Variants in MYOF observed in about 807,000 individuals in gnomAD.
The protein encoded by MYOF is fer-1-like 3, myoferlin.
A neutral mutation model predicts 284.2 loss-of-function variants in MYOF; 244 were observed. That is an observed-to-expected ratio of 0.86 (90% CI 0.77 to 0.95). MYOF has a LOEUF of 0.95. Ranked by LOEUF, MYOF falls within the 40% of genes least tolerant of loss-of-function variation. The probability of loss-of-function intolerance (pLI) is 0.00; values close to 1 mark genes in which losing one functional copy is unlikely to be tolerated. For missense variants in MYOF, 2,496 were observed against 2,560.6 expected (o/e 0.97, Z 0.54); for synonymous variants, 904 against 919.7 (o/e 0.98, Z 0.31).
intron 5 of MYOF, among the ~76,000 whole-genome samples, chr10:93,424,155 CGGTAGTTTAGGA>C (rs1848480446): frequency 6.6e-6 from 1 of 152,110 alleles, no homozygotes; most frequent in African/African-American, 2.4e-5. Flanking sequence ...ACCCAGTTTG[CGGTAGTTTAGGA>C]CAGCAGACCT....
At chr10:93,420,372 A>C (rs1000466452) in intron 5 of MYOF, among the ~76,000 whole-genome samples, 9 of 152,154 alleles carry the variant, frequency 5.9e-5, no homozygotes, top group African/African-American at 2.2e-4. Context: ...AAGCCTGGAG[A>C]CTGGGTCAGC....
At position 93,351,481 on chromosome 10, in the gene MYOF, G is replaced by A; in HGVS notation, c.3754C>T (p.Pro1252Ser). Residue 1252 changes from proline to serine, a missense_variant, in exon 34 of 54, where the codon CCA becomes TCA. Pro to Ser is a moderately conservative substitution (Grantham distance 74, BLOSUM62 -1). Coordinates refer to ENST00000359263, the MANE Select transcript of MYOF (RefSeq NM_013451.4). ...MDITPKLLWHPVMNGDKACGD... is the reference protein window; with the variant it reads ...MDITPKLLWHSVMNGDKACGD... ...CAGGCTTTGTCTCCATTCATTACTG[G>A]GTGCCAGAGAAGTTTGGGTGTGATG... 6.2e-7 allele frequency: 1 copy of A among 1,614,196 alleles called. No individual in the cohort carries two copies. Among genetic ancestry groups the A allele is most frequent in the Non-Finnish European group, 8.5e-7 (1 of 1,180,036 alleles).
chr10:93,310,222 A>T (rs903610777), intron 52 of MYOF, 55 bp from the exon 53 acceptor site: 4 of 1,578,240 alleles, frequency 2.5e-6, no homozygotes, highest in African/African-American at 2.7e-5. Context: ...TGCATATTTT[A>T]TTCCAGAGCA....
chr10:93,350,527 G>C (rs1185607340), intron 35 of MYOF, among the ~76,000 whole-genome samples: 2 of 152,072 alleles, frequency 1.3e-5, no homozygotes, highest in African/African-American at 4.8e-5. Flanking sequence ...TGACCGGGTT[G>C]GCCTCGAACT....
At chr10:93,386,909 G>A (rs991476389) in intron 19 of MYOF, among the ~76,000 whole-genome samples, 3 of 152,148 alleles carry the variant, frequency 2.0e-5, no homozygotes, top group East Asian at 1.9e-4. Flanking sequence ...AGATGAAAAC[G>A]TGTTCTGGGT....
At chr10:93,429,551 T>G (rs1304412426) in intron 4 of MYOF, among the ~76,000 whole-genome samples, 1 of 152,196 alleles carries the variant, frequency 6.6e-6, no homozygotes, top group Non-Finnish European at 1.5e-5. Context: ...TCAGCTAGGT[T>G]TTGGGTAAAC....
At chr10:93,336,923 AAAGG>A (rs1185951066) in intron 40 of MYOF, among the ~76,000 whole-genome samples, 43 of 150,112 alleles carry the variant, frequency 2.9e-4, no homozygotes, top group South Asian at 1.5e-3. Flanking sequence ...GAAGGGAAGG[AAAGG>A]AAGGAAGGAA....
intron 31 of MYOF, 105 bp from the exon 32 acceptor site, chr10:93,353,993 T>C (rs1844663227): frequency 1.2e-6 from 1 of 856,356 alleles, no homozygotes; most frequent in African/African-American, 1.7e-5. Context: ...ATGGGTCACT[T>C]GAATCTATTA....
intron 38 of MYOF, among the ~76,000 whole-genome samples, chr10:93,340,668 T>C (rs732867): frequency 0.045 from 6,881 of 152,264 alleles, 233 homozygotes; most frequent in Middle Eastern, 0.065. Context: ...CCCCCAGCCA[T>C]GCCTATGTTA....
At chr10:93,331,711 G>A (rs115834783) in intron 43 of MYOF, among the ~76,000 whole-genome samples, 2,072 of 147,048 alleles carry the variant, frequency 0.014, 51 homozygotes, top group African/African-American at 0.03. Context: ...GGCGTAGGGG[G>A]GGTGGGGGGT....
At position 93,340,854 on chromosome 10, in the gene MYOF, G is replaced by T. The variant is rs565870763; in HGVS notation, c.4327-690C>A. Among the ~76,000 whole-genome samples the T allele has an allele frequency of 5.3e-5, 8 of 152,226 alleles. No individual in the cohort carries two copies. The South Asian group carries it at 1.7e-3, about 32-fold the overall frequency. ...GAAGGGGGGCTTGAATGTGGTTCTG[G>T]TATCTGTTAGAGCATTAGCCAAGCT... is the stretch of plus-strand genomic sequence containing the variant. On this transcript the variant is annotated intron_variant, in intron 38 of 53. Transcript: ENST00000359263.
Position 93,443,018 on chromosome 10 carries a change from T to G in MYOF, c.236+9032A>C, listed in dbSNP as rs141624479. Among the ~76,000 whole-genome samples, 880 of 152,128 alleles carry G rather than the reference T, an allele frequency of 5.8e-3. 4 individuals carry two copies. The highest frequency in any genetic ancestry group is 0.02 in the African/African-American group (833 of 41,506). ...TGGTAAAAAAAATACATAAATTAGCTGGGCATGGTGGCGTGTGCCTGTAAT... is the reference window on the plus strand; with the variant it reads ...TGGTAAAAAAAATACATAAATTAGCGGGGCATGGTGGCGTGTGCCTGTAAT... On this transcript the variant is annotated intron_variant, in intron 3 of 53. Coordinates refer to ENST00000359263, the MANE Select transcript of MYOF (RefSeq NM_013451.4).
At chr10:93,369,110 C>CTTTTTGTTTTTTTTTTTTTTTT (rs1845460210) in intron 25 of MYOF, among the ~76,000 whole-genome samples, 1 of 78,308 alleles carries the variant, frequency 1.3e-5, no homozygotes, top group African/African-American at 6.5e-5. Flanking sequence ...ATTCAGACAG[C>CTTTTTGTTTTTTTTTTTTTTTT]TTTTTTTTTT....
intron 3 of MYOF, among the ~76,000 whole-genome samples, chr10:93,444,786 G>A (rs1330424942): frequency 6.6e-6 from 1 of 152,232 alleles, no homozygotes; most frequent in Admixed American, 6.5e-5. Context: ...CTGAAAACTT[G>A]TCAATATCTT....
chr10:93,336,581 T>C lies in MYOF; in HGVS notation c.4438-535A>G, dbSNP rs528786516. Among the ~76,000 whole-genome samples the C allele has an allele frequency of 2.0e-5, 3 of 152,322 alleles. No individual in the cohort carries two copies. In the East Asian group the frequency reaches 5.8e-4, roughly 29 times the overall value. On this transcript the variant is annotated intron_variant, in intron 40 of 53. Coordinates refer to ENST00000359263, the MANE Select transcript of MYOF (RefSeq NM_013451.4). ...TTGCTCCTAGGAGGGATGAGGATAG[T>C]GGAAAATTGACTGGAAAGGGACACG...
intron 3 of MYOF, among the ~76,000 whole-genome samples, chr10:93,444,573 A>G (rs2056373515): frequency 6.6e-6 from 1 of 152,234 alleles, no homozygotes; most frequent in African/African-American, 2.4e-5. Context: ...ACAGAGTAAT[A>G]AGATAAAGAG....
chr10:93,440,705 A>T (rs948692823), intron 3 of MYOF, among the ~76,000 whole-genome samples: 1 of 152,172 alleles, frequency 6.6e-6, no homozygotes, highest in African/African-American at 2.4e-5. Flanking sequence ...TAGTCCAATG[A>T]CCTTGCAAAT....
intron 53 of MYOF, 44 bp downstream of exon 53, chr10:93,309,976 A>G (rs1842308173): frequency 6.2e-7 from 1 of 1,611,996 alleles, no homozygotes; most frequent in Non-Finnish European, 8.5e-7. Context: ...ACCAACTGCA[A>G]CTCACAAGAA....
At chr10:93,322,268 G>GTGA in intron 48 of MYOF, among the ~76,000 whole-genome samples, 1 of 152,158 alleles carries the variant, frequency 6.6e-6, no homozygotes, top group Non-Finnish European at 1.5e-5. Context: ...CATGTATCAA[G>GTGA]GAATCAAACT....
Sources: allele counts gnomAD v4.1 joint callset (sites outside exome capture counted in the v4.1 genomes callset), GRCh38; gene constraint gnomAD v4.1.1; transcripts MANE v1.5; gene names NCBI Gene and HGNC (gene_info 2026-07-23, HGNC 2026-07-21).